RORB: variants seen among roughly 807,000 people sequenced by gnomAD.
RORB encodes RAR related orphan receptor B.
A neutral mutation model predicts 59.1 loss-of-function variants in RORB; 6 were observed. The observed-to-expected ratio is 0.10, with a 90% CI of 0.06 to 0.20. The LOEUF (loss-of-function observed/expected upper bound fraction) is 0.20. RORB is among the 10% of genes least tolerant of loss of function. The pLI, the probability that RORB is intolerant of heterozygous loss-of-function variation, is 1.00. For synonymous variants in RORB, 215 were observed against 204.5 expected, an observed-to-expected ratio of 1.05 and a Z score of -0.44; for missense variants, 320 against 560.5, an observed-to-expected ratio of 0.57 and a Z score of 4.33.
intron 5 of RORB, 45 bp from the exon 6 acceptor site, chr9:74,662,429 G>A (rs1264695746): frequency 9.4e-6 from 15 of 1,603,360 alleles, no homozygotes; most frequent in Non-Finnish European, 1.1e-5. Context: ...TTGACTCTCC[G>A]TAAGTCGTTT....
chr9:74,548,114 C>A (rs1273806553), intron 1 of RORB, among the ~76,000 whole-genome samples: 2 of 152,208 alleles, frequency 1.3e-5, no homozygotes, highest in East Asian at 3.9e-4. Flanking sequence ...AATGACTCCC[C>A]ATGTTTTTTA....
intron 1 of RORB, among the ~76,000 whole-genome samples, chr9:74,619,095 C>A (rs766699776): frequency 6.6e-6 from 1 of 152,160 alleles, no homozygotes; most frequent in Non-Finnish European, 1.5e-5. Flanking sequence ...CATTTAACCC[C>A]ATTAACTAAG....
At chr9:74,580,598 AT>A (rs1196975756) in intron 1 of RORB, among the ~76,000 whole-genome samples, 1 of 152,138 alleles carries the variant, frequency 6.6e-6, no homozygotes, top group African/African-American at 2.4e-5. Context: ...TTCTATAATG[AT>A]TTTTTTAGGA....
chr9:74,584,933 C>T (rs1383639019), intron 1 of RORB, among the ~76,000 whole-genome samples: 3 of 152,178 alleles, frequency 2.0e-5, no homozygotes, highest in East Asian at 1.9e-4. Context: ...TACAAAACAA[C>T]GATGCAAAAA....
intron 4 of RORB, among the ~76,000 whole-genome samples, chr9:74,645,181 G>A (rs1162352645): frequency 6.6e-6 from 1 of 152,044 alleles, no homozygotes; most frequent in Non-Finnish European, 1.5e-5. Flanking sequence ...CTAAATAGTG[G>A]TTTGGTTCAC....
rs374556016 is a variant in RORB at position 74,541,279 on chromosome 9, C to CA, written c.7+43323dup. Reference sequence around the variant, plus strand: ...TGGGCAACAGAAAGAGACTCCATCTCAAAAAAAAAAAAAAAAAAAAAAAAA... The same window carrying CA: ...TGGGCAACAGAAAGAGACTCCATCTCAAAAAAAAAAAAAAAAAAAAAAAAAA... On this transcript the variant is annotated intron_variant, in intron 1 of 9. Coordinates refer to ENST00000376896, the MANE Select transcript of RORB (RefSeq NM_006914.4). 3.1e-3 allele frequency among the ~76,000 whole-genome samples: 136 copies of CA among 43,560 alleles called. 9 individuals carry two copies. Among genetic ancestry groups the CA allele is most frequent in the African/African-American group, 5.9e-3 (37 of 6,256 alleles). 28.6% of individuals were successfully genotyped at this position (43,560 alleles called of 152,430 possible).
Position 74,685,877 on chromosome 9 carries a change from A to G in RORB, c.*259A>G. 3.9e-6 allele frequency: 1 copy of G among 258,542 alleles called. No individual in the cohort carries two copies. Among genetic ancestry groups the G allele is most frequent in the Non-Finnish European group, 7.3e-6 (1 of 137,702 alleles). The allele number at this position is 258,542 out of a possible 1,614,324, so 16.0% of individuals were successfully genotyped here. ...TGGGTGTTATCCTTTTTTTAATTTT[A>G]TTCGGGTATGTTTTGGGAGACAACT... On this transcript the variant is annotated 3_prime_UTR_variant, in exon 10 of 10. Coordinates refer to ENST00000376896, the MANE Select transcript of RORB (RefSeq NM_006914.4).
At chr9:74,513,148 G>A (rs535505407) in intron 1 of RORB, among the ~76,000 whole-genome samples, 1 of 152,106 alleles carries the variant, frequency 6.6e-6, no homozygotes, top group African/African-American at 2.4e-5. Context: ...AATTGCTATG[G>A]CAAAATTAGT....
intron 1 of RORB, among the ~76,000 whole-genome samples, chr9:74,579,594 C>T (rs920742388): frequency 3.9e-5 from 6 of 152,108 alleles, no homozygotes; most frequent in Non-Finnish European, 5.9e-5. Context: ...TTCTGGATAA[C>T]GAGCTTATTT....
chr9:74,625,565 A>C (rs573446059), intron 1 of RORB, among the ~76,000 whole-genome samples: 1 of 152,206 alleles, frequency 6.6e-6, no homozygotes, highest in Non-Finnish European at 1.5e-5. Context: ...AGTGAGCTAC[A>C]ATAACACTGC....
intron 1 of RORB, among the ~76,000 whole-genome samples, chr9:74,607,424 T>C (rs1823164970): frequency 6.6e-6 from 1 of 152,164 alleles, no homozygotes; most frequent in Non-Finnish European, 1.5e-5. Flanking sequence ...AGTGTCCAGA[T>C]GAAAGCTATG....
intron 1 of RORB, among the ~76,000 whole-genome samples, chr9:74,611,871 A>G (rs1269628370): frequency 1.3e-5 from 2 of 152,064 alleles, no homozygotes; most frequent in African/African-American, 4.8e-5. Flanking sequence ...GCTGGTCTTG[A>G]ACTCCTGACC....
chr9:74,661,345 C>G (rs1193982130), intron 5 of RORB, among the ~76,000 whole-genome samples: 1 of 152,078 alleles, frequency 6.6e-6, no homozygotes, highest in Non-Finnish European at 1.5e-5. Context: ...ACAAAATCCA[C>G]CAGTAGATGG....
At chr9:74,518,263 C>A (rs1389205084) in intron 1 of RORB, among the ~76,000 whole-genome samples, 1 of 151,964 alleles carries the variant, frequency 6.6e-6, no homozygotes, top group African/African-American at 2.4e-5. Flanking sequence ...TCCGTGGCAC[C>A]GTTAATTGAA....
intron 1 of RORB, among the ~76,000 whole-genome samples, chr9:74,623,944 T>C (rs1157358): frequency 0.76 from 116,009 of 152,104 alleles, 45,032 homozygotes; most frequent in East Asian, 0.93. Context: ...ATTTAACTTA[T>C]CAGTATTTTC....
chr9:74,653,477 T>C (rs1302071202), intron 4 of RORB, among the ~76,000 whole-genome samples: 1 of 151,374 alleles, frequency 6.6e-6, no homozygotes, highest in Non-Finnish European at 1.5e-5. Flanking sequence ...AAAAAGTCCC[T>C]TGTGGAGAAA....
chr9:74,514,670 A>G (rs1211039121), intron 1 of RORB, among the ~76,000 whole-genome samples: 1 of 148,326 alleles, frequency 6.7e-6, no homozygotes, highest in Non-Finnish European at 1.5e-5. Context: ...TATAATATAT[A>G]TTTAATAATA....
intron 1 of RORB, among the ~76,000 whole-genome samples, chr9:74,525,513 A>G (rs954272829): frequency 1.3e-5 from 2 of 151,908 alleles, no homozygotes; most frequent in Non-Finnish European, 2.9e-5. Flanking sequence ...ATAATCTTCT[A>G]TTTCCCATCT....
rs146073042 is a variant in RORB, at chr9:74,662,311, G to A, written c.760-163G>A. 3.6e-3 allele frequency among the ~76,000 whole-genome samples: 549 copies of A among 151,842 alleles called. 4 individuals carry two copies. Among genetic ancestry groups the A allele is most frequent in the African/African-American group, 0.012 (502 of 41,386 alleles). Reference sequence around the variant, plus strand: ...CAAACAGGTCAAAATATTAACTTAGGGAAAAAAAATAAAAGTAGTGCCCTC... The same window carrying A: ...CAAACAGGTCAAAATATTAACTTAGAGAAAAAAAATAAAAGTAGTGCCCTC... On this transcript the variant is annotated intron_variant, in intron 5 of 9. Transcript: ENST00000376896.
Sources: allele counts gnomAD v4.1 joint callset (sites outside exome capture counted in the v4.1 genomes callset), GRCh38; gene constraint gnomAD v4.1.1; transcripts MANE v1.5; gene names NCBI Gene and HGNC (gene_info 2026-07-23, HGNC 2026-07-21).